Variants in AMOTL1 observed in about 807,000 individuals in gnomAD.
The protein encoded by AMOTL1 is angiomotin like 1, also known as angiomotin-like protein 1.
AMOTL1 carries 45 observed loss-of-function variants against 102.9 expected under a neutral mutation model. That is an observed-to-expected ratio of 0.44 (90% CI 0.34 to 0.56). AMOTL1 has a LOEUF of 0.56. AMOTL1 is among the 20% of genes least tolerant of loss of function. The pLI is 0.01. For missense variants in AMOTL1, 1,114 were observed against 1,225.6 expected (o/e 0.91, Z 1.36); for synonymous variants, 481 against 484.7 (o/e 0.99, Z 0.10).
intron 2 of AMOTL1, among the ~76,000 whole-genome samples, chr11:94,736,687 C>T (rs1308414650): frequency 6.6e-6 from 1 of 152,154 alleles, no homozygotes; most frequent in Non-Finnish European, 1.5e-5. Context: ...TGCCTGCCAC[C>T]CAATATTCAC....
chr11:94,802,729 G>A (rs944611283), intron 3 of AMOTL1, among the ~76,000 whole-genome samples: 2 of 152,220 alleles, frequency 1.3e-5, no homozygotes, highest in Non-Finnish European at 2.9e-5. Flanking sequence ...ACAGGGCCAT[G>A]GCTAGCCAGC....
At chr11:94,717,889 A>T (rs1164890142) in intron 1 of AMOTL1, among the ~76,000 whole-genome samples, 1 of 151,878 alleles carries the variant, frequency 6.6e-6, no homozygotes, top group Non-Finnish European at 1.5e-5. Context: ...AGAAATAAAG[A>T]TGGCCAATAA....
At position 94,874,005 on chromosome 11, in the gene AMOTL1, C is replaced by G. The variant is rs1287563525; in HGVS notation, c.*3210C>G. On this transcript the variant is annotated 3_prime_UTR_variant, in exon 13 of 13. Transcript: ENST00000433060. ...TTCCCAGTGGAGCCTGATTATAGAA[C>G]TTGAGGGTCCTATCTCAGGATGAAG... The G allele has an allele frequency of 2.0e-5, 3 of 152,188 alleles. No individual in the cohort carries two copies. Among genetic ancestry groups the G allele is most frequent in the Non-Finnish European group, 4.4e-5 (3 of 68,044 alleles). 9.4% of individuals were successfully genotyped at this position (152,188 alleles called of 1,614,324 possible).
At chr11:94,814,439 T>G (rs1951732172) in intron 3 of AMOTL1, among the ~76,000 whole-genome samples, 1 of 152,234 alleles carries the variant, frequency 6.6e-6, no homozygotes, top group Non-Finnish European at 1.5e-5. Flanking sequence ...CTTCTATTCC[T>G]TGGCTCCACT....
Position 94,870,768 on chromosome 11 carries a change from T to C in AMOTL1, c.2844T>C (p.Asp948=), listed in dbSNP as rs1416021903. The C allele has an allele frequency of 4.4e-6, 7 of 1,600,882 alleles. No individual in the cohort carries two copies. The highest frequency in any genetic ancestry group is 6.0e-6 in the Non-Finnish European group (7 of 1,172,606). Residue 948 remains aspartate (D), a synonymous_variant, in exon 13 of 13, where the codon GAT becomes GAC. Transcript: ENST00000433060. The part of the protein sequence containing the change: ...SSLLHKPEFP[D]GEMMEVLI ...TGCTGCACAAGCCCGAGTTCCCTGA[T>C]GGAGAGATGATGGAAGTCCTCATCT...
intron 1 of AMOTL1, among the ~76,000 whole-genome samples, chr11:94,775,390 G>A (rs1392171359): frequency 2.0e-5 from 3 of 152,142 alleles, no homozygotes; most frequent in Admixed American, 6.5e-5. Context: ...GTTGTAGTAA[G>A]GACCAAAGGA....
chr11:94,807,482 A>G (rs550129561), intron 3 of AMOTL1, among the ~76,000 whole-genome samples: 74 of 152,308 alleles, frequency 4.9e-4, no homozygotes, highest in African/African-American at 1.6e-3. Flanking sequence ...TTTAGATAAT[A>G]AAATTTTTTT....
Position 94,875,338 on chromosome 11 carries a change from A to T in AMOTL1, c.*4543A>T, listed in dbSNP as rs1274328034. ...TTTTCCTCTTTCTCTTAAGTAGTAT[A>T]CCCTTTTCTCACTTAGTAATTTAAT... On this transcript the variant is annotated 3_prime_UTR_variant, in exon 13 of 13. Transcript: ENST00000433060. The T allele has an allele frequency of 6.6e-6, 1 of 152,164 alleles. No individual in the cohort carries two copies. The highest frequency in any genetic ancestry group is 1.5e-5 in the Non-Finnish European group (1 of 68,036). 9.4% of individuals were successfully genotyped at this position (152,164 alleles called of 1,614,324 possible). A position where few individuals can be genotyped will look rare whatever the true frequency, so the allele number is the denominator to read the frequency against.
At chr11:94,839,756 G>T (rs368949313) in intron 6 of AMOTL1, among the ~76,000 whole-genome samples, 1 of 152,062 alleles carries the variant, frequency 6.6e-6, no homozygotes, top group African/African-American at 2.4e-5. Flanking sequence ...CAATTTTGTC[G>T]GCTCTGGGAT....
chr11:94,737,770 G>C (rs1352553118), intron 2 of AMOTL1, among the ~76,000 whole-genome samples: 1 of 152,232 alleles, frequency 6.6e-6, no homozygotes, highest in Non-Finnish European at 1.5e-5. Context: ...TAGGATCTAG[G>C]ACTGATAATT....
chr11:94,874,129 A>G lies in AMOTL1; in HGVS notation c.*3334A>G, dbSNP rs529989564. ...TTTCTGTGTGCTGCCAGGATATTAT[A>G]TGGAACTGGAGAAGTTGGAGTCAGG... On this transcript the variant is annotated 3_prime_UTR_variant, in exon 13 of 13. Coordinates refer to ENST00000433060, the MANE Select transcript of AMOTL1 (RefSeq NM_130847.3). The G allele has an allele frequency of 1.3e-5, 2 of 152,352 alleles. No homozygotes were observed. Among genetic ancestry groups the G allele is most frequent in the African/African-American group, 4.8e-5 (2 of 41,574 alleles). 9.4% of individuals were successfully genotyped at this position (152,352 alleles called of 1,614,324 possible). A position where few individuals can be genotyped will look rare whatever the true frequency, so the allele number is the denominator to read the frequency against.
intron 6 of AMOTL1, among the ~76,000 whole-genome samples, chr11:94,832,807 T>C (rs917059707): frequency 6.6e-6 from 1 of 152,254 alleles, no homozygotes; most frequent in African/African-American, 2.4e-5. Flanking sequence ...TTAGTGTCTT[T>C]GGCAGGTATG....
At chr11:94,836,777 G>A (rs1371546776) in intron 6 of AMOTL1, among the ~76,000 whole-genome samples, 1 of 137,374 alleles carries the variant, frequency 7.3e-6, no homozygotes, top group Non-Finnish European at 1.5e-5. Flanking sequence ...TTTTTTTTTA[G>A]AATAGAAGAA....
At chr11:94,800,751 A>G (rs1317252916) in intron 3 of AMOTL1, among the ~76,000 whole-genome samples, 2 of 152,232 alleles carry the variant, frequency 1.3e-5, no homozygotes, top group Non-Finnish European at 2.9e-5. Flanking sequence ...TAGAAATCAC[A>G]TAGTCCCATC....
chr11:94,759,681 C>T (rs1246732406), intron 3 of AMOTL1, among the ~76,000 whole-genome samples: 1 of 152,048 alleles, frequency 6.6e-6, no homozygotes, highest in South Asian at 2.1e-4. Flanking sequence ...CAGGACCTCG[C>T]CTAGCCTCCA....
chr11:94,711,698 G>T (rs751440734), intron 1 of AMOTL1, among the ~76,000 whole-genome samples: 8 of 152,062 alleles, frequency 5.3e-5, no homozygotes, highest in Non-Finnish European at 8.8e-5. Flanking sequence ...GTAACCTTAT[G>T]ATATTGGCCT....
chr11:94,831,112 G>T (rs561763182), intron 5 of AMOTL1, among the ~76,000 whole-genome samples: 1 of 152,248 alleles, frequency 6.6e-6, no homozygotes, highest in East Asian at 1.9e-4. Flanking sequence ...TTAGACTAGG[G>T]CTGGGTTTGA....
chr11:94,836,903 A>G (rs1459242986), intron 6 of AMOTL1, among the ~76,000 whole-genome samples: 3 of 151,956 alleles, frequency 2.0e-5, no homozygotes, highest in African/African-American at 7.3e-5. Context: ...CCTGCTGTGG[A>G]TATGTTGGAG....
chr11:94,831,440 CTTTG>C lies in AMOTL1; in HGVS notation c.1559-9_1559-6del. 6.2e-7 allele frequency: 1 copy of C among 1,603,548 alleles called. No individual in the cohort carries two copies. Among genetic ancestry groups the C allele is most frequent in the Non-Finnish European group, 8.5e-7 (1 of 1,173,314 alleles). ...ATACATTTCTTTGTAATCATTTCCT[CTTTG>C]TTCATAGATCGACTAGAGACTGCTA... On this transcript the variant is annotated splice_polypyrimidine_tract_variant and splice_region_variant and intron_variant, in intron 5 of 12. Transcript: ENST00000433060.
Sources: allele counts gnomAD v4.1 joint callset (sites outside exome capture counted in the v4.1 genomes callset), GRCh38; gene constraint gnomAD v4.1.1; transcripts MANE v1.5; gene names NCBI Gene and HGNC (gene_info 2026-07-23, HGNC 2026-07-21).